The following MCM10 variants were observed in gnomAD, a reference collection of about 807,000 sequenced individuals.
MCM10 encodes protein MCM10 homolog.
In MCM10, 91 loss-of-function variants were observed where a neutral mutation model predicts 109.9. The ratio of observed to expected loss-of-function variants is 0.83; its 90% CI spans 0.70 to 0.99. MCM10 has a LOEUF of 0.99. MCM10 is among the 50% of genes least tolerant of loss of function. The probability of loss-of-function intolerance (pLI) is 0.00; values close to 1 mark genes in which losing one functional copy is unlikely to be tolerated. For missense variants in MCM10, 1,077 were observed against 1,061.2 expected (o/e 1.01, Z -0.21); for synonymous variants, 380 against 387.2 (o/e 0.98, Z 0.22).
Position 13,172,611 on chromosome 10 carries a change from T to G in MCM10, c.455-17T>G. 6.2e-7 allele frequency: 1 copy of G among 1,613,514 alleles called. No homozygotes were observed. The highest frequency in any genetic ancestry group is 1.1e-5 in the South Asian group (1 of 90,926). On this transcript the variant is annotated splice_polypyrimidine_tract_variant and intron_variant, in intron 4 of 19. Transcript: ENST00000378714. The surrounding 1 kb of genome is among the most constrained non-coding windows in gnomAD (Gnocchi z 5.2). ...TGAATGGGTTTTTACTCACTTATTTTACTTTTGATTAAGTAGAGAAGTCTC... is the reference window on the plus strand; with the variant it reads ...TGAATGGGTTTTTACTCACTTATTTGACTTTTGATTAAGTAGAGAAGTCTC...
intron 8 of MCM10, 44 bp from the exon 9 acceptor site, chr10:13,186,120 A>G (rs1834271472): frequency 9.0e-7 from 1 of 1,107,622 alleles, no homozygotes; most frequent in Non-Finnish European, 1.4e-6. Context: ...ATAAAAGGCC[A>G]TAATTTTGTC....
chr10:13,196,275 C>T (rs1406743161), intron 14 of MCM10, among the ~76,000 whole-genome samples: 1 of 152,140 alleles, frequency 6.6e-6, no homozygotes, highest in Non-Finnish European at 1.5e-5. Flanking sequence ...GTTGCTGCGG[C>T]TGAAGTAGGG....
chr10:13,176,040 C>T (rs914892366), intron 6 of MCM10, among the ~76,000 whole-genome samples: 1 of 152,166 alleles, frequency 6.6e-6, no homozygotes, highest in African/African-American at 2.4e-5. Flanking sequence ...AATACACAGA[C>T]AGTTTAACCA....
chr10:13,206,241 C>T (rs959919093), intron 18 of MCM10, among the ~76,000 whole-genome samples: 1 of 152,162 alleles, frequency 6.6e-6, no homozygotes, highest in African/African-American at 2.4e-5. Flanking sequence ...CTATGTTCCT[C>T]GGCTTCCTAA....
chr10:13,167,480 T>C (rs1470097632), intron 2 of MCM10, among the ~76,000 whole-genome samples: 1 of 151,138 alleles, frequency 6.6e-6, no homozygotes, highest in Non-Finnish European at 1.5e-5. Flanking sequence ...GTAGCTAAGA[T>C]GGGGAGTGGA....
chr10:13,195,336 A>G, intron 14 of MCM10, 67 bp downstream of exon 14: 1 of 1,206,134 alleles, frequency 8.3e-7, no homozygotes, highest in East Asian at 2.6e-5. Flanking sequence ...GAGGAAAGAC[A>G]GACACCTAAT....
chr10:13,173,214 C>T (rs1834098349), intron 5 of MCM10, among the ~76,000 whole-genome samples: 1 of 152,080 alleles, frequency 6.6e-6, no homozygotes, highest in South Asian at 2.1e-4. Flanking sequence ...AAGGAAAATC[C>T]TTAGGTACAG....
rs1834634476 is a variant in MCM10, at chr10:13,209,854, A to C, written c.*544A>C. 6.5e-6 allele frequency: 1 copy of C among 154,606 alleles called. No homozygotes were observed. Among genetic ancestry groups the C allele is most frequent in the Admixed American group, 6.4e-5 (1 of 15,664 alleles). 9.6% of individuals were successfully genotyped at this position (154,606 alleles called of 1,614,324 possible). On this transcript the variant is annotated 3_prime_UTR_variant, in exon 20 of 20. Transcript: ENST00000378714. Reference sequence around the variant, plus strand: ...CTTTCCCATCTAGATAATGATGATCACATAGTCTTGATGTACGGACATTAA... The same window carrying C: ...CTTTCCCATCTAGATAATGATGATCCCATAGTCTTGATGTACGGACATTAA...
intron 7 of MCM10, among the ~76,000 whole-genome samples, chr10:13,181,795 G>T (rs975877443): frequency 2.0e-5 from 3 of 152,108 alleles, no homozygotes; most frequent in African/African-American, 7.2e-5. Flanking sequence ...TTCATAAGTG[G>T]CTGTAATGAC....
intron 11 of MCM10, 93 bp downstream of exon 11, chr10:13,191,492 C>T (rs544810182): frequency 2.1e-6 from 2 of 932,226 alleles, no homozygotes; most frequent in South Asian, 2.8e-5. Context: ...GGGTACACTG[C>T]TCCGGTGATG....
chr10:13,203,791 T>C (rs553319338), intron 17 of MCM10, among the ~76,000 whole-genome samples: 1 of 147,618 alleles, frequency 6.8e-6, no homozygotes, highest in South Asian at 2.2e-4. Context: ...TTATAGATCA[T>C]AGAAGAGAAT....
intron 5 of MCM10, 81 bp from the exon 6 acceptor site, chr10:13,175,429 A>G (rs1834128001): frequency 3.2e-6 from 4 of 1,247,116 alleles, no homozygotes; most frequent in Non-Finnish European, 4.7e-6. Flanking sequence ...TCAAAGGAAC[A>G]AATCCGTAAA....
intron 8 of MCM10, among the ~76,000 whole-genome samples, chr10:13,185,089 A>C (rs1834257397): frequency 6.6e-6 from 1 of 152,138 alleles, no homozygotes; most frequent in African/African-American, 2.4e-5. Context: ...AAAGCACCTT[A>C]GGCAGCGAGA....
intron 16 of MCM10, among the ~76,000 whole-genome samples, chr10:13,201,011 G>A (rs943138481): frequency 1.3e-5 from 2 of 152,116 alleles, no homozygotes; most frequent in Non-Finnish European, 2.9e-5. Context: ...CTGGGCATGT[G>A]GCGGGCACCT....
intron 6 of MCM10, among the ~76,000 whole-genome samples, chr10:13,177,849 C>CAA (rs5783313): frequency 0.051 from 7,404 of 144,386 alleles, 227 homozygotes; most frequent in Admixed American, 0.082. Flanking sequence ...GACCCTATCT[C>CAA]AAAAAAAAAA....
rs186459177 is a variant in MCM10 at position 13,200,364 on chromosome 10, G to C, written c.2239-1057G>C. On this transcript the variant is annotated intron_variant, in intron 16 of 19. Coordinates refer to ENST00000378714, the MANE Select transcript of MCM10 (RefSeq NM_018518.5). The stretch of plus-strand genomic sequence containing the variant: ...TGCATTGCAGACAGTGCAGCACCCC[G>C]GTCCCTGCCAGCCACAGAGGTAGCA... 4.6e-5 allele frequency among the ~76,000 whole-genome samples: 7 copies of C among 152,228 alleles called. No individual in the cohort carries two copies. In the East Asian group the frequency reaches 1.3e-3, roughly 29 times the overall value.
intron 13 of MCM10, among the ~76,000 whole-genome samples, chr10:13,194,675 G>A (rs1345465951): frequency 6.6e-6 from 1 of 152,222 alleles, no homozygotes; most frequent in Non-Finnish European, 1.5e-5. Context: ...GCAGGGAGGT[G>A]CAATGAGTTC....
At position 13,186,265 on chromosome 10, in the gene MCM10, G is replaced by A. The variant is rs574175398; in HGVS notation, c.1200G>A (p.Thr400=). 5 of 1,609,898 alleles carry A rather than the reference G, an allele frequency of 3.1e-6. No individual in the cohort carries two copies. The highest frequency in any genetic ancestry group is 2.2e-5 in the East Asian group (1 of 44,788). Reference sequence around the variant, plus strand: ...AGAAGAAGAATGGAGAGCCGTGCACGCAGACTGTGAATTTGGTTGGTTTCA... The same window carrying A: ...AGAAGAAGAATGGAGAGCCGTGCACACAGACTGTGAATTTGGTTGGTTTCA... ...KAKKKNGEPC[T]QTVNLRDCEY... is the part of the protein sequence containing the mutation. The change falls in exon 9 of 20, where the codon ACG becomes ACA. Residue 400 remains threonine, a synonymous_variant. Transcript: ENST00000378714.
chr10:13,189,861 C>T (rs1164377551), intron 10 of MCM10, among the ~76,000 whole-genome samples: 1 of 152,130 alleles, frequency 6.6e-6, no homozygotes, highest in Non-Finnish European at 1.5e-5. Flanking sequence ...TCACTACAGC[C>T]CCTGACGCTG....
Sources: allele counts gnomAD v4.1 joint callset (sites outside exome capture counted in the v4.1 genomes callset), GRCh38; gene constraint gnomAD v4.1.1; non-coding constraint Gnocchi (gnomAD v3.1); transcripts MANE v1.5; gene names NCBI Gene and HGNC (gene_info 2026-07-23, HGNC 2026-07-21).